GRK5: variants seen among roughly 807,000 people sequenced by gnomAD.
The protein encoded by GRK5 is g protein-coupled receptor kinase GRK5.
Under a neutral mutation model 78.4 loss-of-function variants are expected in GRK5, and 40 were observed. The ratio of observed to expected loss-of-function variants is 0.51; its 90% confidence interval spans 0.40 to 0.66. The LOEUF is 0.66. Among genes scored for constraint, GRK5 ranks in the 30% least tolerant of loss-of-function variants. The pLI, the probability that GRK5 is intolerant of heterozygous loss-of-function variation, is 0.00. For synonymous variants in GRK5, 289 were observed against 296.8 expected, an observed-to-expected ratio of 0.97 and a Z score of 0.27; for missense variants, 598 against 759.9, an observed-to-expected ratio of 0.79 and a Z score of 2.50.
At chr10:119,323,012 C>T (rs1033869326) in intron 1 of GRK5, among the ~76,000 whole-genome samples, 11 of 152,210 alleles carry the variant, frequency 7.2e-5, no homozygotes, top group South Asian at 4.1e-4. Flanking sequence ...CCAACATGGG[C>T]GAAGCTCGAG....
intron 4 of GRK5, among the ~76,000 whole-genome samples, chr10:119,414,047 A>G (rs1472492080): frequency 4.6e-5 from 7 of 152,124 alleles, no homozygotes; most frequent in Non-Finnish European, 8.8e-5. Flanking sequence ...CCTCCACCCC[A>G]TGACAGCAGA....
At chr10:119,335,297 T>C (rs1269088520) in intron 2 of GRK5, among the ~76,000 whole-genome samples, 2 of 151,948 alleles carry the variant, frequency 1.3e-5, no homozygotes, top group Non-Finnish European at 2.9e-5. Flanking sequence ...GCTCAAGTAA[T>C]GTTCCTATAT....
chr10:119,366,969 A>C (rs1851460285), intron 2 of GRK5, among the ~76,000 whole-genome samples: 1 of 152,160 alleles, frequency 6.6e-6, no homozygotes, highest in East Asian at 1.9e-4. Context: ...AGGCATCTAA[A>C]ATGTGGGCTG....
intron 2 of GRK5, among the ~76,000 whole-genome samples, chr10:119,330,602 G>A (rs1199180613): frequency 6.6e-6 from 1 of 152,128 alleles, no homozygotes; most frequent in Middle Eastern, 3.2e-3. Context: ...CCTATTCCTA[G>A]ATTCAAAGAG....
intron 1 of GRK5, among the ~76,000 whole-genome samples, chr10:119,230,241 T>G (rs1848803532): frequency 6.6e-6 from 1 of 152,144 alleles, no homozygotes; most frequent in Non-Finnish European, 1.5e-5. Flanking sequence ...ATCCTAGCAC[T>G]TTGGGAGGCC....
At chr10:119,239,300 TCTCA>T (rs1486584134) in intron 1 of GRK5, among the ~76,000 whole-genome samples, 14 of 150,900 alleles carry the variant, frequency 9.3e-5, no homozygotes, top group Non-Finnish European at 1.6e-4. Context: ...AGTGGTGCAA[TCTCA>T]GCTCACTGCA....
intron 1 of GRK5, among the ~76,000 whole-genome samples, chr10:119,234,250 C>T (rs1486062798): frequency 6.6e-6 from 1 of 152,194 alleles, no homozygotes; most frequent in East Asian, 1.9e-4. Flanking sequence ...CCCAAGGTCA[C>T]AGTTGTTGAT....
chr10:119,240,667 C>G (rs531031712), intron 1 of GRK5, among the ~76,000 whole-genome samples: 3 of 152,216 alleles, frequency 2.0e-5, no homozygotes, highest in South Asian at 2.1e-4. Context: ...CCTTTGCCCG[C>G]TTTTTGATGG....
At chr10:119,268,878 G>T (rs7077224) in intron 1 of GRK5, among the ~76,000 whole-genome samples, 76,780 of 151,902 alleles carry the variant, frequency 0.51, 19,737 homozygotes, top group East Asian at 0.75. Context: ...CATCCACCAC[G>T]GCCCAGGAGC....
chr10:119,369,348 C>T (rs1346486786), intron 2 of GRK5, among the ~76,000 whole-genome samples: 1 of 152,186 alleles, frequency 6.6e-6, no homozygotes, highest in Admixed American at 6.5e-5. Flanking sequence ...AAGACACAAA[C>T]AGTGGTCATC....
At chr10:119,261,091 A>AC (rs1849383520) in intron 1 of GRK5, among the ~76,000 whole-genome samples, 3 of 88,604 alleles carry the variant, frequency 3.4e-5, no homozygotes, top group Admixed American at 2.3e-4. Flanking sequence ...GACGCTCCTC[A>AC]CTTCCCAGAC....
chr10:119,250,940 C>T (rs915767266), intron 1 of GRK5, among the ~76,000 whole-genome samples: 4 of 152,172 alleles, frequency 2.6e-5, no homozygotes, highest in South Asian at 2.1e-4. Context: ...GCTCTCCTAT[C>T]GAGGGCCTTT....
chr10:119,382,956 C>T (rs1401722277), intron 3 of GRK5, among the ~76,000 whole-genome samples: 1 of 151,914 alleles, frequency 6.6e-6, no homozygotes, highest in Non-Finnish European at 1.5e-5. Context: ...GAGTCTCGCT[C>T]TGTTGCCCAG....
intron 6 of GRK5, among the ~76,000 whole-genome samples, chr10:119,429,110 C>G (rs892663480): frequency 2.6e-5 from 4 of 152,226 alleles, no homozygotes; most frequent in African/African-American, 9.6e-5. Context: ...GAGCGGGATA[C>G]CCGCAGAGGG....
chr10:119,415,188 C>T (rs558210284), intron 4 of GRK5, among the ~76,000 whole-genome samples: 7 of 151,396 alleles, frequency 4.6e-5, no homozygotes, highest in Admixed American at 2.0e-4. Flanking sequence ...GCTGGAAGAA[C>T]GGTCCTGCCT....
At chr10:119,441,955 A>G (rs1311192277) in intron 10 of GRK5, 44 bp from the exon 11 acceptor site, 1 of 1,525,282 alleles carries the variant, frequency 6.6e-7, no homozygotes, top group Admixed American at 1.7e-5. Flanking sequence ...CCGGGTGCCC[A>G]TGCGGCTGTC....
chr10:119,254,073 GA>G (rs1849243726), intron 1 of GRK5, among the ~76,000 whole-genome samples: 1 of 152,214 alleles, frequency 6.6e-6, no homozygotes, highest in African/African-American at 2.4e-5. Context: ...CCACAGCGGG[GA>G]AAGATGAGCC....
rs186912157 is a variant in GRK5, at chr10:119,226,591, C to T, written c.52+18622C>T. Among the ~76,000 whole-genome samples, 157 of 149,782 alleles carry T rather than the reference C, an allele frequency of 1.0e-3. 2 individuals carry two copies. Among genetic ancestry groups the T allele is most frequent in the African/African-American group, 3.3e-3 (133 of 40,546 alleles). ...AGACACAGTCTCACGCTTGCCCAGG[C>T]TGGAGTACAGTGGTGCGATCTCGGC... On this transcript the variant is annotated intron_variant, in intron 1 of 15. Coordinates refer to ENST00000392870, the MANE Select transcript of GRK5 (RefSeq NM_005308.3).
At chr10:119,301,833 T>A (rs1403414743) in intron 1 of GRK5, among the ~76,000 whole-genome samples, 2 of 152,210 alleles carry the variant, frequency 1.3e-5, no homozygotes, top group Non-Finnish European at 2.9e-5. Flanking sequence ...CAGACATTAC[T>A]AACTAATTGT....
Sources: gnomAD v4.1 joint callset for allele counts (sites outside exome capture counted in the v4.1 genomes callset) on GRCh38, gnomAD v4.1.1 for gene constraint, MANE v1.5 for transcripts, NCBI Gene and HGNC (gene_info 2026-07-23, HGNC 2026-07-21) for gene names.